The following LRRC4C variants were observed in gnomAD, a reference collection of about 807,000 sequenced individuals.
LRRC4C encodes the protein leucine rich repeat containing 4C.
A neutral mutation model predicts 33.6 loss-of-function variants in LRRC4C; 5 were observed. That is an observed-to-expected ratio of 0.15 (90% CI 0.08 to 0.31). LRRC4C has a LOEUF of 0.31. LRRC4C is among the 10% of genes least tolerant of loss of function. The pLI is 1.00. For missense variants in LRRC4C, 560 were observed against 796.7 expected (o/e 0.70, Z 3.58); for synonymous variants, 329 against 302.0 (o/e 1.09, Z -0.93).
chr11:40,245,965 G>A (rs976123447), intron 4 of LRRC4C, among the ~76,000 whole-genome samples: 2 of 149,500 alleles, frequency 1.3e-5, no homozygotes, highest in African/African-American at 4.9e-5. Context: ...TATTGTTAAA[G>A]TCCTAACTTT....
intron 1 of LRRC4C, among the ~76,000 whole-genome samples, chr11:41,435,928 G>A (rs114582197): frequency 0.011 from 1,642 of 152,256 alleles, 25 homozygotes; most frequent in African/African-American, 0.038. Context: ...TTTCCCGGCC[G>A]GGAGTGGTGG....
rs183312147 is a variant in LRRC4C, at chr11:40,256,165, G to A, written c.-175-14567C>T. Among the ~76,000 whole-genome samples the A allele has an allele frequency of 5.9e-5, 9 of 152,306 alleles. No homozygotes were observed. The East Asian group carries it at 1.7e-3, about 29-fold the overall frequency. ...AGGATTTGATAGCAAAGCTCTCTGGGCATCTAGAGAATGAGGGTAAATATT... is the reference window on the plus strand; with the variant it reads ...AGGATTTGATAGCAAAGCTCTCTGGACATCTAGAGAATGAGGGTAAATATT... On this transcript the variant is annotated intron_variant, in intron 4 of 6. Coordinates refer to ENST00000528697, the MANE Select transcript of LRRC4C (RefSeq NM_001258419.2).
intron 1 of LRRC4C, among the ~76,000 whole-genome samples, chr11:41,397,018 G>T (rs750370353): frequency 2.6e-5 from 4 of 151,934 alleles, no homozygotes; most frequent in Non-Finnish European, 5.9e-5. Context: ...ATGTAAATAC[G>T]ATTTTTTAAA....
chr11:40,362,095 T>C (rs1190141605), intron 3 of LRRC4C, among the ~76,000 whole-genome samples: 3 of 152,070 alleles, frequency 2.0e-5, no homozygotes, highest in Non-Finnish European at 4.4e-5. Flanking sequence ...TTCCTTACAC[T>C]CTATACACAA....
At chr11:40,890,824 T>C (rs1298446795) in intron 2 of LRRC4C, among the ~76,000 whole-genome samples, 1 of 152,016 alleles carries the variant, frequency 6.6e-6, no homozygotes, top group Non-Finnish European at 1.5e-5. Flanking sequence ...TCAGTCTCAA[T>C]TGTTAAAATA....
chr11:40,463,345 G>GTGA (rs1952499658), intron 3 of LRRC4C, among the ~76,000 whole-genome samples: 3 of 127,210 alleles, frequency 2.4e-5, no homozygotes, highest in Non-Finnish European at 5.1e-5. Context: ...TGTGTGTGTG[G>GTGA]TTAAAAGAAC....
chr11:40,274,424 T>TACACACACAC (rs56027023), intron 4 of LRRC4C, among the ~76,000 whole-genome samples: 5,996 of 138,972 alleles, frequency 0.043, 213 homozygotes, highest in East Asian at 0.065. Context: ...GACACACACA[T>TACACACACAC]ACACACACAC....
At chr11:40,409,404 A>T (rs914462468) in intron 3 of LRRC4C, among the ~76,000 whole-genome samples, 1 of 152,024 alleles carries the variant, frequency 6.6e-6, no homozygotes, top group African/African-American at 2.4e-5. Context: ...ATTACAGCAA[A>T]CTAAAAGCTT....
intron 1 of LRRC4C, among the ~76,000 whole-genome samples, chr11:40,943,584 T>G (rs1488657991): frequency 6.6e-6 from 1 of 152,164 alleles, no homozygotes; most frequent in East Asian, 1.9e-4. Flanking sequence ...TTCAGTTCAT[T>G]TAGACAGAGT....
chr11:40,205,408 C>T (rs1017117769), intron 5 of LRRC4C, among the ~76,000 whole-genome samples: 2 of 152,076 alleles, frequency 1.3e-5, no homozygotes, highest in Non-Finnish European at 2.9e-5. Flanking sequence ...AGACTTGGTA[C>T]TTTTATCTCA....
rs1943387291 is a variant in LRRC4C at position 41,138,993 on chromosome 11, T to C, written c.-495-205270A>G. On this transcript the variant is annotated intron_variant, in intron 1 of 6. Transcript: ENST00000528697. ...GTGTAACTGAGCCTTCTTCTGATTA[T>C]GTTTGGAAGCTATTTGGGACTAATT... Among the ~76,000 whole-genome samples the C allele has an allele frequency of 1.3e-5, 2 of 152,174 alleles. 1 individual carries two copies. The highest frequency in any genetic ancestry group is 4.1e-4 in the South Asian group (2 of 4,834).
intron 2 of LRRC4C, among the ~76,000 whole-genome samples, chr11:40,695,259 A>G (rs1363556713): frequency 6.6e-6 from 1 of 152,168 alleles, no homozygotes; most frequent in African/African-American, 2.4e-5. Context: ...TTATAATCCA[A>G]TAAGTATACT....
At chr11:40,415,072 T>C (rs1042377823) in intron 3 of LRRC4C, among the ~76,000 whole-genome samples, 1 of 152,332 alleles carries the variant, frequency 6.6e-6, no homozygotes, top group East Asian at 1.9e-4. Flanking sequence ...TTGCTTCATA[T>C]ACTCAAAGAC....
At chr11:40,277,680 C>T (rs1943210359) in intron 4 of LRRC4C, among the ~76,000 whole-genome samples, 1 of 152,056 alleles carries the variant, frequency 6.6e-6, no homozygotes, top group Non-Finnish European at 1.5e-5. Flanking sequence ...CATTTATTGT[C>T]TCTGTGACAT....
intron 1 of LRRC4C, among the ~76,000 whole-genome samples, chr11:40,979,800 G>T (rs1431328545): frequency 6.6e-6 from 1 of 152,146 alleles, no homozygotes; most frequent in Admixed American, 6.5e-5. Flanking sequence ...CATACAATGA[G>T]ATTTTCAAAT....
intron 1 of LRRC4C, among the ~76,000 whole-genome samples, chr11:41,299,148 T>A (rs1410074736): frequency 1.3e-5 from 2 of 152,170 alleles, no homozygotes; most frequent in Non-Finnish European, 2.9e-5. Context: ...ATATACCTAA[T>A]AGTGGGATTA....
intron 1 of LRRC4C, among the ~76,000 whole-genome samples, chr11:41,021,648 A>C (rs1855993523): frequency 6.6e-6 from 1 of 152,074 alleles, no homozygotes; most frequent in Non-Finnish European, 1.5e-5. Context: ...AATTATGCTA[A>C]TACTATGGTT....
intron 5 of LRRC4C, among the ~76,000 whole-genome samples, chr11:40,230,836 A>T (rs1332465544): frequency 6.6e-6 from 1 of 152,176 alleles, no homozygotes; most frequent in Non-Finnish European, 1.5e-5. Flanking sequence ...AGTCTTCTCT[A>T]TTTAGTTTAA....
chr11:40,582,921 T>A (rs80061760), intron 3 of LRRC4C, among the ~76,000 whole-genome samples: 3,818 of 152,272 alleles, frequency 0.025, 164 homozygotes, highest in African/African-American at 0.085. Flanking sequence ...ATCAGGGTAT[T>A]TAGAATACTA....
Sources: gnomAD v4.1 joint callset for allele counts (sites outside exome capture counted in the v4.1 genomes callset) on GRCh38, gnomAD v4.1.1 for gene constraint, MANE v1.5 for transcripts, NCBI Gene and HGNC (gene_info 2026-07-23, HGNC 2026-07-21) for gene names.